The following FAM186A variants were observed in gnomAD, a reference collection of about 807,000 sequenced individuals.
FAM186A encodes the protein protein FAM186A.
In FAM186A, 163 loss-of-function variants were observed where a neutral mutation model predicts 216.8. The ratio of observed to expected loss-of-function variants is 0.75; its 90% CI spans 0.66 to 0.86. FAM186A has a LOEUF of 0.86. Ranked by LOEUF, FAM186A falls within the 40% of genes least tolerant of loss-of-function variation. The pLI, the probability that FAM186A is intolerant of heterozygous loss-of-function variation, is 0.00. For synonymous variants in FAM186A, 805 were observed against 1,025.3 expected, an observed-to-expected ratio of 0.79 and a Z score of 4.10; for missense variants, 2,184 against 2,746.2, an observed-to-expected ratio of 0.80 and a Z score of 4.58.
chr12:50,366,626 CAAAAA>C (rs61606774), intron 1 of FAM186A, among the ~76,000 whole-genome samples: 1 of 49,398 alleles, frequency 2.0e-5, no homozygotes. Context: ...ATAGAATGAC[CAAAAA>C]AAAAAAAAAA....
intron 1 of FAM186A, among the ~76,000 whole-genome samples, chr12:50,385,457 G>A (rs1943294256): frequency 2.0e-5 from 3 of 149,752 alleles, no homozygotes; most frequent in African/African-American, 7.3e-5. Context: ...ACTACTAGAA[G>A]GAAACAGGGG....
Position 50,351,306 on chromosome 12 carries a change from A to C in FAM186A, c.5526T>G (p.Val1842=). The change falls in exon 4 of 8, where the codon GTT becomes GTG. Residue 1842 remains valine (V), a synonymous_variant. Coordinates refer to ENST00000327337, the MANE Select transcript of FAM186A (RefSeq NM_001145475.3). The stretch of plus-strand genomic sequence containing the variant: ...TTGGAATCTGTCCAGAAGTGGGTGG[A>C]ACTCCAGCTATAAAGGGCTGCCCTG... ...PTPGQPFIAG[V]PPTSGQIPSL... is the part of the protein sequence containing the mutation. The C allele has an allele frequency of 6.5e-7, 1 of 1,530,312 alleles. No homozygotes were observed. Among genetic ancestry groups the C allele is most frequent in the Non-Finnish European group, 8.8e-7 (1 of 1,138,428 alleles). 94.8% of individuals were successfully genotyped at this position (1,530,312 alleles called of 1,614,324 possible).
intron 1 of FAM186A, among the ~76,000 whole-genome samples, chr12:50,368,229 C>G (rs1277574552): frequency 6.6e-6 from 1 of 151,238 alleles, no homozygotes; most frequent in East Asian, 2.0e-4. Context: ...TGGTGAAACC[C>G]CATCTTTACT....
At chr12:50,340,584 C>G (rs909954047) in intron 4 of FAM186A, among the ~76,000 whole-genome samples, 1 of 151,628 alleles carries the variant, frequency 6.6e-6, no homozygotes, top group South Asian at 2.1e-4. Flanking sequence ...ATGGCACACA[C>G]AGGTCGCTTC....
chr12:50,361,391 G>A (rs1235590971), intron 2 of FAM186A, among the ~76,000 whole-genome samples: 1 of 151,810 alleles, frequency 6.6e-6, no homozygotes, highest in African/African-American at 2.4e-5. Flanking sequence ...TAAAGACGGG[G>A]TTTCACCATG....
chr12:50,335,421 G>A (rs1000443311), intron 4 of FAM186A, among the ~76,000 whole-genome samples: 5 of 151,936 alleles, frequency 3.3e-5, no homozygotes, highest in African/African-American at 1.2e-4. Context: ...CAAGGCTGGT[G>A]GATCACAAGG....
chr12:50,346,614 G>C (rs1055000749), intron 4 of FAM186A, among the ~76,000 whole-genome samples: 1 of 152,158 alleles, frequency 6.6e-6, no homozygotes, highest in African/African-American at 2.4e-5. Flanking sequence ...TTGGGAGGCC[G>C]AAGCGGGTGG....
chr12:50,384,279 A>T (rs1036723785), intron 1 of FAM186A, among the ~76,000 whole-genome samples: 4 of 149,832 alleles, frequency 2.7e-5, no homozygotes, highest in South Asian at 2.1e-4. Context: ...TACAAAAATT[A>T]AAAAAAAAAT....
chr12:50,345,862 A>G (rs765866474), intron 4 of FAM186A, among the ~76,000 whole-genome samples: 21 of 151,988 alleles, frequency 1.4e-4, no homozygotes, highest in Non-Finnish European at 2.5e-4. Flanking sequence ...TGAATTTTAC[A>G]ATAGTTTTTT....
chr12:50,384,416 C>T (rs1943283114), intron 1 of FAM186A, among the ~76,000 whole-genome samples: 1 of 152,036 alleles, frequency 6.6e-6, no homozygotes, highest in African/African-American at 2.4e-5. Flanking sequence ...CAGAGCCAGA[C>T]CATGTCTCTA....
chr12:50,354,570 C>G lies in FAM186A; in HGVS notation c.2262G>C (p.Lys754Asn). Residue 754 changes from lysine to asparagine, a missense_variant, in exon 4 of 8, where the codon AAG becomes AAC. Physicochemically the swap from Lys to Asn is moderately conservative, Grantham distance 94 (BLOSUM62 0). Coordinates refer to ENST00000327337, the MANE Select transcript of FAM186A (RefSeq NM_001145475.3). The stretch of plus-strand genomic sequence containing the variant: ...GCAATCCTGGCATAAATGAGACTAC[C>G]TTTTTTTGTTTTATAGGTTTCTCTC... ...QVGEKPIKQK[K>N]VVSFMPGLHF... The G allele has an allele frequency of 6.4e-7, 1 of 1,551,008 alleles. No homozygotes were observed. The highest frequency in any genetic ancestry group is 8.7e-7 in the Non-Finnish European group (1 of 1,146,862).
chr12:50,374,565 C>T (rs1346646180), intron 1 of FAM186A, among the ~76,000 whole-genome samples: 1 of 152,098 alleles, frequency 6.6e-6, no homozygotes, highest in Non-Finnish European at 1.5e-5. Context: ...TCGGTATATA[C>T]AGAAAAAGAA....
At chr12:50,330,170 A>G (rs1473036871) in intron 7 of FAM186A, among the ~76,000 whole-genome samples, 2 of 152,160 alleles carry the variant, frequency 1.3e-5, no homozygotes, top group Non-Finnish European at 2.9e-5. Flanking sequence ...AATTTACTCA[A>G]TTTGGGTCTA....
intron 4 of FAM186A, among the ~76,000 whole-genome samples, chr12:50,338,033 T>G (rs1478389746): frequency 6.6e-6 from 1 of 152,190 alleles, no homozygotes; most frequent in East Asian, 1.9e-4. Context: ...TCCACTGTCT[T>G]AGCCAATCCC....
Position 50,355,023 on chromosome 12 carries a change from T to C in FAM186A, c.1809A>G (p.Gly603=). The change falls in exon 4 of 8, where the codon GGA becomes GGG. Residue 603 remains glycine (G), a synonymous_variant. Transcript: ENST00000327337. ...TATGGTGTTTCTTTCCTTTTATTTT[T>C]CCTTTCTGTGGCTCAGCAGTATCAT... ...QFDDTAEPQK[G]KIKGKKHHIS... is the part of the protein sequence containing the mutation. 1.3e-6 allele frequency: 2 copies of C among 1,551,684 alleles called. No individual in the cohort carries two copies. Among genetic ancestry groups the C allele is most frequent in the Non-Finnish European group, 8.7e-7 (1 of 1,146,992 alleles).
Position 50,351,021 on chromosome 12 carries a change from G to C in FAM186A, c.5811C>G (p.Ser1937=). ...TTTTCTGGGGCTTTCCAGGGGCTGG[G>C]GACGGCCATAGTGTGGGAGGATGTC... The part of the protein sequence containing the change: ...TSRHPPTLWP[S]PAPGKPQKSW... The change falls in exon 4 of 8, where the codon TCC becomes TCG. Residue 1937 remains serine, a synonymous_variant. Coordinates refer to ENST00000327337, the MANE Select transcript of FAM186A (RefSeq NM_001145475.3). 5.2e-6 allele frequency: 8 copies of C among 1,551,486 alleles called. No individual in the cohort carries two copies. Among genetic ancestry groups the C allele is most frequent in the Non-Finnish European group, 6.1e-6 (7 of 1,146,928 alleles).
At position 50,353,460 on chromosome 12, in the gene FAM186A, G is replaced by T. The variant is rs769535279; in HGVS notation, c.3372C>A (p.Thr1124=). 2.9e-5 allele frequency: 44 copies of T among 1,528,182 alleles called. No individual in the cohort carries two copies. The highest frequency in any genetic ancestry group is 3.6e-5 in the Non-Finnish European group (41 of 1,136,240). 94.7% of individuals were successfully genotyped at this position (1,528,182 alleles called of 1,614,324 possible). The change falls in exon 4 of 8, where the codon ACC becomes ACA. Residue 1124 remains threonine (T), a synonymous_variant. Coordinates refer to ENST00000327337, the MANE Select transcript of FAM186A (RefSeq NM_001145475.3). Reference sequence around the variant, plus strand: ...TCCCCAGGGCCTGCGCCTGCTGAGGGGTGAAAAGGATCTCCAGGGCCTGGG... The same window carrying T: ...TCCCCAGGGCCTGCGCCTGCTGAGGTGTGAAAAGGATCTCCAGGGCCTGGG... ...QQAQALEILF[T]PQQAQALGIP...
chr12:50,388,442 ACC>A (rs759618643), intron 1 of FAM186A, among the ~76,000 whole-genome samples: 1 of 151,172 alleles, frequency 6.6e-6, no homozygotes, highest in Non-Finnish European at 1.5e-5. Context: ...ACACAGTGAA[ACC>A]CCCCTCTCTA....
chr12:50,370,801 A>G (rs751374696), intron 1 of FAM186A, among the ~76,000 whole-genome samples: 1 of 152,110 alleles, frequency 6.6e-6, no homozygotes, highest in Non-Finnish European at 1.5e-5. Context: ...ATATTTATAT[A>G]TATACACAAT....
Sources: allele counts gnomAD v4.1 joint callset (sites outside exome capture counted in the v4.1 genomes callset), GRCh38; gene constraint gnomAD v4.1.1; transcripts MANE v1.5; gene names NCBI Gene and HGNC (gene_info 2026-07-23, HGNC 2026-07-21).